Variants in SLCO3A1 observed in about 807,000 individuals in gnomAD.
SLCO3A1 encodes the protein solute carrier organic anion transporter family member 3A1, also known as PGE1 transporter.
In SLCO3A1, 27 loss-of-function variants were observed where a neutral mutation model predicts 63.1. That is an observed-to-expected ratio of 0.43 (90% confidence interval 0.32 to 0.59). SLCO3A1 has a LOEUF of 0.59. Ranked by LOEUF, SLCO3A1 falls within the 20% of genes least tolerant of loss-of-function variation. SLCO3A1 has a pLI of 0.09. For synonymous variants in SLCO3A1, 473 were observed against 409.9 expected, an observed-to-expected ratio of 1.15 and a Z score of -1.86; for missense variants, 773 against 945.8, an observed-to-expected ratio of 0.82 and a Z score of 2.40.
chr15:92,074,036 T>C (rs571518438), intron 2 of SLCO3A1, among the ~76,000 whole-genome samples: 30 of 152,296 alleles, frequency 2.0e-4, no homozygotes, highest in Admixed American at 7.2e-4. Flanking sequence ...CTGGGCATGG[T>C]GTCAGGCACC....
intron 2 of SLCO3A1, among the ~76,000 whole-genome samples, chr15:92,052,391 A>T (rs1041425157): frequency 1.3e-5 from 2 of 152,190 alleles, no homozygotes; most frequent in Non-Finnish European, 2.9e-5. Flanking sequence ...AATGTTCATT[A>T]TTATGACTTC....
At position 92,060,769 on chromosome 15, in the gene SLCO3A1, G is replaced by A. The variant is rs534119217; in HGVS notation, c.647-34112G>A. ...CCCGCCTCAGCCTCCCAAAGTGCTA[G>A]GATTACAGGCATGAGCCACTGTGCC... is the stretch of plus-strand genomic sequence containing the variant. On this transcript the variant is annotated intron_variant, in intron 2 of 9. Transcript: ENST00000318445. 5.3e-5 allele frequency among the ~76,000 whole-genome samples: 8 copies of A among 152,258 alleles called. No individual in the cohort carries two copies. The South Asian group carries it at 1.7e-3, about 32-fold the overall frequency.
chr15:92,170,355 C>T (rs1239155670), downstream of SLCO3A1, among the ~76,000 whole-genome samples: 2 of 152,158 alleles, frequency 1.3e-5, no homozygotes, highest in Non-Finnish European at 2.9e-5. Context: ...ACCCACGTGC[C>T]GGGTTCTGTG....
At chr15:92,144,140 G>A (rs1407583350) in intron 7 of SLCO3A1, among the ~76,000 whole-genome samples, 3 of 152,260 alleles carry the variant, frequency 2.0e-5, no homozygotes, top group Non-Finnish European at 4.4e-5. Context: ...CTTTGTAGAA[G>A]AGGAATACAT....
intron 2 of SLCO3A1, among the ~76,000 whole-genome samples, chr15:92,072,262 A>G (rs1202007509): frequency 6.6e-6 from 1 of 151,010 alleles, no homozygotes; most frequent in African/African-American, 2.4e-5. Flanking sequence ...ATTTGGCCCA[A>G]CCCAGCCTCA....
chr15:92,000,505 C>A (rs1007286583), intron 2 of SLCO3A1, among the ~76,000 whole-genome samples: 2 of 149,420 alleles, frequency 1.3e-5, no homozygotes, highest in Non-Finnish European at 3.0e-5. Flanking sequence ...GTGGTGGTTG[C>A]ATAAGGTGAA....
chr15:92,099,200 A>G (rs765700850), intron 3 of SLCO3A1, among the ~76,000 whole-genome samples: 78 of 152,196 alleles, frequency 5.1e-4, no homozygotes, highest in Non-Finnish European at 9.6e-4. Context: ...TTGCTTCACA[A>G]AAAAGGTCAA....
At chr15:92,122,732 A>G (rs921234513) in intron 5 of SLCO3A1, among the ~76,000 whole-genome samples, 3 of 152,248 alleles carry the variant, frequency 2.0e-5, no homozygotes, top group East Asian at 1.9e-4. Flanking sequence ...TTTATGCATA[A>G]TGGACCCAAA....
intron 2 of SLCO3A1, among the ~76,000 whole-genome samples, chr15:92,041,326 A>C (rs111667037): frequency 0.011 from 1,747 of 152,276 alleles, 26 homozygotes; most frequent in African/African-American, 0.04. Context: ...AGAGGCAGGG[A>C]GGGAGACACA....
At chr15:92,157,751 C>T (rs372030521) in intron 9 of SLCO3A1, among the ~76,000 whole-genome samples, 300 of 152,248 alleles carry the variant, frequency 2.0e-3, no homozygotes, top group African/African-American at 6.9e-3. Flanking sequence ...TTCCTGAACA[C>T]GGAACAAAAG....
intron 4 of SLCO3A1, among the ~76,000 whole-genome samples, chr15:92,105,523 C>T (rs1161274957): frequency 6.6e-6 from 1 of 152,170 alleles, no homozygotes; most frequent in East Asian, 1.9e-4. Flanking sequence ...CCACCACCAC[C>T]GCCCAAGTTG....
rs1029187620 is a variant in SLCO3A1, at chr15:91,940,529, A to G, written c.646+24071A>G. On this transcript the variant is annotated intron_variant, in intron 2 of 9. Coordinates refer to ENST00000318445, the MANE Select transcript of SLCO3A1 (RefSeq NM_013272.4). ...AGAAATGAATCAGTTGGCATAGTGAATTTCAAATCAGTGCTTAAACTGATG... is the reference window on the plus strand; with the variant it reads ...AGAAATGAATCAGTTGGCATAGTGAGTTTCAAATCAGTGCTTAAACTGATG... Among the ~76,000 whole-genome samples, 9 of 152,188 alleles carry G rather than the reference A, an allele frequency of 5.9e-5. No individual in the cohort carries two copies. The East Asian group carries it at 1.5e-3, about 26-fold the overall frequency.
intron 9 of SLCO3A1, among the ~76,000 whole-genome samples, chr15:92,158,313 C>T (rs369816127): frequency 2.6e-4 from 40 of 152,252 alleles, no homozygotes; most frequent in African/African-American, 9.1e-4. Flanking sequence ...TTCTCTGTAT[C>T]CCTGGAAATC....
chr15:91,946,430 C>T (rs924100166), intron 2 of SLCO3A1, among the ~76,000 whole-genome samples: 11 of 152,294 alleles, frequency 7.2e-5, no homozygotes, highest in African/African-American at 2.6e-4. Flanking sequence ...ACTCCGGGCC[C>T]TGGTAGACAG....
At chr15:91,974,898 C>T (rs1597177251) in intron 2 of SLCO3A1, among the ~76,000 whole-genome samples, 1 of 152,030 alleles carries the variant, frequency 6.6e-6, no homozygotes, top group Non-Finnish European at 1.5e-5. Context: ...CACTAGATAC[C>T]CTTTACAGAG....
chr15:91,973,166 C>A (rs908570843), intron 2 of SLCO3A1, among the ~76,000 whole-genome samples: 1 of 152,150 alleles, frequency 6.6e-6, no homozygotes, highest in Non-Finnish European at 1.5e-5. Flanking sequence ...GGAACTGAGG[C>A]AAAAGGGTGG....
chr15:92,116,659 A>C (rs1451578123), intron 4 of SLCO3A1, among the ~76,000 whole-genome samples: 1 of 152,238 alleles, frequency 6.6e-6, no homozygotes, highest in African/African-American at 2.4e-5. Flanking sequence ...TAGGCTTAAC[A>C]ATCTGTTTGA....
chr15:92,093,116 ATG>A (rs2047496839), intron 2 of SLCO3A1, among the ~76,000 whole-genome samples: 1 of 152,152 alleles, frequency 6.6e-6, no homozygotes, highest in African/African-American at 2.4e-5. Flanking sequence ...CCGTGTGTAA[ATG>A]TGTGTTAGTT....
intron 2 of SLCO3A1, among the ~76,000 whole-genome samples, chr15:91,995,788 A>T (rs4503771): frequency 0.16 from 24,200 of 151,356 alleles, 2,399 homozygotes; most frequent in East Asian, 0.32. Context: ...TGGAAAAAAA[A>T]AAGTTCATAA....
Sources: allele counts gnomAD v4.1 joint callset (sites outside exome capture counted in the v4.1 genomes callset), GRCh38; gene constraint gnomAD v4.1.1; transcripts MANE v1.5; gene names NCBI Gene and HGNC (gene_info 2026-07-23, HGNC 2026-07-21).